The following NFKB1 variants were observed in gnomAD, a reference collection of about 807,000 sequenced individuals.
NFKB1 encodes the protein nuclear factor NF-kappa-B p105 subunit.
NFKB1 carries 9 observed loss-of-function variants against 105.1 expected under a neutral mutation model. The observed-to-expected ratio is 0.09, with a 90% CI of 0.05 to 0.15. The LOEUF is 0.15. NFKB1 is among the 10% of genes least tolerant of loss of function. The pLI is 1.00. For missense variants in NFKB1, 830 were observed against 1,203.7 expected (o/e 0.69, Z 4.59); for synonymous variants, 440 against 442.2 (o/e 1.00, Z 0.06).
At chr4:102,597,867 T>G (rs959719191) in intron 15 of NFKB1, among the ~76,000 whole-genome samples, 6 of 152,240 alleles carry the variant, frequency 3.9e-5, no homozygotes, top group Non-Finnish European at 5.9e-5. Context: ...GAATCTGTAG[T>G]AGCTGGAGGA....
chr4:102,605,720 A>C (rs961330552), intron 16 of NFKB1, among the ~76,000 whole-genome samples: 3 of 152,186 alleles, frequency 2.0e-5, no homozygotes, highest in Non-Finnish European at 2.9e-5. Flanking sequence ...TTTTTTATTC[A>C]GCTGAGCCCC....
rs1028039837 is a variant in NFKB1, at chr4:102,584,688, A to G, written c.934A>G (p.Ile312Val). 1.9e-6 allele frequency: 3 copies of G among 1,592,980 alleles called. No individual in the cohort carries two copies. Among genetic ancestry groups the G allele is most frequent in the African/African-American group, 1.4e-5 (1 of 73,410 alleles). ...GGTTCTTCGTATCCTGCAGTTTGCC[A>G]TTGTCTTCAAAACTCCAAAGTATAA... ...SPTDVHRQFA[I>V]VFKTPKYKDI... The change falls in exon 11 of 24, where the codon ATT becomes GTT. Residue 312 changes from isoleucine to valine, a missense_variant. Ile to Val is a conservative substitution (Grantham distance 29). Around this residue, in one of 8 missense-constraint regions of NFKB1, gnomAD observed 42 missense variants for 145.7 expected, o/e 0.29. Transcript: ENST00000226574.
intron 5 of NFKB1, 103 bp from the exon 6 acceptor site, chr4:102,566,884 A>G: frequency 8.5e-7 from 1 of 1,175,328 alleles, no homozygotes; most frequent in South Asian, 1.4e-5. Flanking sequence ...ATATATGAAT[A>G]ACTTTATATT....
chr4:102,603,059 A>C (rs957016853), intron 16 of NFKB1, among the ~76,000 whole-genome samples: 11 of 152,132 alleles, frequency 7.2e-5, no homozygotes, highest in Non-Finnish European at 1.5e-4. Context: ...AGGACACAGC[A>C]CAACAGGATT....
At chr4:102,511,040 GT>G in intron 1 of NFKB1, 3 of 849,280 alleles carry the variant, frequency 3.5e-6, no homozygotes, top group Non-Finnish European at 4.8e-6. Context: ...AGCATTGCTT[GT>G]TTATAGAAGC....
At chr4:102,580,282 C>T (rs778750713) in intron 8 of NFKB1, among the ~76,000 whole-genome samples, 1 of 152,148 alleles carries the variant, frequency 6.6e-6, no homozygotes. Flanking sequence ...TTGTGTCAGT[C>T]TCTCTGTGTT....
chr4:102,572,123 G>A (rs931817053), intron 6 of NFKB1, among the ~76,000 whole-genome samples: 7 of 152,126 alleles, frequency 4.6e-5, no homozygotes, highest in Admixed American at 2.6e-4. Flanking sequence ...AGAAAATGTG[G>A]CATATATACA....
chr4:102,598,940 G>A (rs1271829611), intron 15 of NFKB1, among the ~76,000 whole-genome samples: 1 of 152,164 alleles, frequency 6.6e-6, no homozygotes, highest in Admixed American at 6.5e-5. Context: ...AGAGACCAGA[G>A]GATCCTCATA....
chr4:102,528,243 G>A (rs1400488915), intron 2 of NFKB1, among the ~76,000 whole-genome samples: 4 of 152,084 alleles, frequency 2.6e-5, no homozygotes, highest in Non-Finnish European at 4.4e-5. Flanking sequence ...AGGTTATCAC[G>A]TTTGCTCTGA....
chr4:102,571,983 G>A (rs1367631114), intron 6 of NFKB1, among the ~76,000 whole-genome samples: 1 of 152,164 alleles, frequency 6.6e-6, no homozygotes, highest in African/African-American at 2.4e-5. Flanking sequence ...CCCATTACTG[G>A]GTATATACCC....
intron 3 of NFKB1, among the ~76,000 whole-genome samples, chr4:102,532,486 G>A (rs529627425): frequency 6.6e-6 from 1 of 152,170 alleles, no homozygotes; most frequent in African/African-American, 2.4e-5. Context: ...AAAATTAGCT[G>A]GGCATGGTGG....
At chr4:102,579,246 T>G (rs1371963736) in intron 8 of NFKB1, among the ~76,000 whole-genome samples, 1 of 152,208 alleles carries the variant, frequency 6.6e-6, no homozygotes, top group South Asian at 2.1e-4. Flanking sequence ...TCAATACATG[T>G]AATTCTTTTT....
intron 13 of NFKB1, among the ~76,000 whole-genome samples, chr4:102,595,349 G>T (rs930204275): frequency 4.6e-5 from 7 of 151,940 alleles, no homozygotes; most frequent in Non-Finnish European, 7.4e-5. Flanking sequence ...TTATAGGATC[G>T]GTCTTTTCCC....
chr4:102,570,641 G>A (rs981566132), intron 6 of NFKB1, among the ~76,000 whole-genome samples: 2 of 152,080 alleles, frequency 1.3e-5, no homozygotes, highest in Admixed American at 1.3e-4. Context: ...TCACCACACT[G>A]CTACAAAATC....
At chr4:102,528,897 G>A (rs1019482933) in intron 2 of NFKB1, among the ~76,000 whole-genome samples, 1 of 152,180 alleles carries the variant, frequency 6.6e-6, no homozygotes, top group Admixed American at 6.5e-5. Context: ...CTAGAATCAA[G>A]GTGTTGGCAG....
At chr4:102,519,932 C>A (rs1740456763) in intron 1 of NFKB1, among the ~76,000 whole-genome samples, 1 of 152,150 alleles carries the variant, frequency 6.6e-6, no homozygotes, top group Non-Finnish European at 1.5e-5. Flanking sequence ...TTACTTCTTT[C>A]TCCATGTGAA....
intron 14 of NFKB1, among the ~76,000 whole-genome samples, chr4:102,597,220 T>C (rs576109477): frequency 1.3e-5 from 2 of 152,312 alleles, no homozygotes; most frequent in Non-Finnish European, 2.9e-5. Flanking sequence ...GGAGATTGTT[T>C]TCCTTAAAAT....
At chr4:102,586,724 A>G (rs1560697799) in intron 11 of NFKB1, among the ~76,000 whole-genome samples, 1 of 152,226 alleles carries the variant, frequency 6.6e-6, no homozygotes, top group Non-Finnish European at 1.5e-5. Context: ...AAACAAAATT[A>G]GAAACCCCTC....
chr4:102,531,012 AGT>A (rs1483988212), intron 3 of NFKB1, among the ~76,000 whole-genome samples: 1 of 152,120 alleles, frequency 6.6e-6, no homozygotes, highest in Admixed American at 6.6e-5. Flanking sequence ...ATGTGTTGGT[AGT>A]GTGTGTGTTT....
Sources: gnomAD v4.1 joint callset for allele counts (sites outside exome capture counted in the v4.1 genomes callset) on GRCh38, gnomAD v4.1.1 for gene constraint, gnomAD v4.1.1 regional missense constraint, MANE v1.5 for transcripts, NCBI Gene and HGNC (gene_info 2026-07-23, HGNC 2026-07-21) for gene names.